The following HNRNPM variants were observed in gnomAD, a reference collection of about 807,000 sequenced individuals.
HNRNPM encodes the protein heterogeneous nuclear ribonucleoprotein M, also known as CEA receptor.
A neutral mutation model predicts 73.1 loss-of-function variants in HNRNPM; 11 were observed. The ratio of observed to expected loss-of-function variants is 0.15; its 90% confidence interval spans 0.09 to 0.25. HNRNPM has a LOEUF of 0.25. Ranked by LOEUF, HNRNPM falls within the 10% of genes least tolerant of loss-of-function variation. The pLI is 1.00. For missense variants in HNRNPM, 789 were observed against 1,067.9 expected (o/e 0.74, Z 3.64); for synonymous variants, 407 against 355.2 (o/e 1.15, Z -1.64).
chr19:8,444,979 A>G lies in HNRNPM; in HGVS notation c.-20A>G, dbSNP rs754539588. 4.3e-6 allele frequency: 6 copies of G among 1,385,594 alleles called. No homozygotes were observed. The highest frequency in any genetic ancestry group is 5.6e-6 in the Non-Finnish European group (6 of 1,068,304). The allele number at this position is 1,385,594 out of a possible 1,614,324, so 85.8% of individuals were successfully genotyped here. ...CGCGGTGCAGCCCGTTCGCTCACAC[A>G]AAGCCCAGACGCGGAGAAAATGGCG... On this transcript the variant is annotated 5_prime_UTR_variant, in exon 1 of 16. Transcript: ENST00000325495.
intron 6 of HNRNPM, among the ~76,000 whole-genome samples, chr19:8,465,844 CTTG>C (rs1349348147): frequency 1.3e-5 from 2 of 152,082 alleles, no homozygotes; most frequent in African/African-American, 2.4e-5. Flanking sequence ...ACACCTTCCT[CTTG>C]TTGTGTCTGG....
Position 8,466,324 on chromosome 19 carries a change from T to C in HNRNPM, c.720T>C (p.Asp240=), listed in dbSNP as rs372212123. The C allele has an allele frequency of 6.2e-7, 1 of 1,614,126 alleles. No individual in the cohort carries two copies. The highest frequency in any genetic ancestry group is 8.5e-7 in the Non-Finnish European group (1 of 1,180,016). Residue 240 remains aspartate, a synonymous_variant, in exon 7 of 16, where the codon GAT becomes GAC. Transcript: ENST00000325495. ...GAGCAGACATTCTTGAAGATAAAGATGGAAAAAGTCGTGGAATAGGCACTG... is the reference window on the plus strand; with the variant it reads ...GAGCAGACATTCTTGAAGATAAAGACGGAAAAAGTCGTGGAATAGGCACTG... ...VVRADILEDK[D]GKSRGIGTVT...
intron 1 of HNRNPM, among the ~76,000 whole-genome samples, chr19:8,451,081 A>G (rs550254891): frequency 6.6e-6 from 1 of 152,024 alleles, no homozygotes; most frequent in Non-Finnish European, 1.5e-5. Context: ...TAATTTTTGT[A>G]TTTTTAGTAG....
At chr19:8,456,573 T>C (rs1283849576) in intron 2 of HNRNPM, among the ~76,000 whole-genome samples, 3 of 152,230 alleles carry the variant, frequency 2.0e-5, no homozygotes, top group Non-Finnish European at 4.4e-5. Flanking sequence ...GATGTGAGCT[T>C]GATTTGTCAA....
At chr19:8,456,711 A>T (rs2145635168) in intron 2 of HNRNPM, among the ~76,000 whole-genome samples, 1 of 152,222 alleles carries the variant, frequency 6.6e-6, no homozygotes, top group South Asian at 2.1e-4. Flanking sequence ...CCTTATTTTG[A>T]CCATGACATG....
intron 8 of HNRNPM, 41 bp from the exon 9 acceptor site, chr19:8,468,733 G>T: frequency 1.3e-6 from 2 of 1,516,232 alleles, no homozygotes; most frequent in African/African-American, 1.4e-5. Context: ...AAACACTGCT[G>T]CACTGGATAC....
chr19:8,485,373 T>C (rs1971203393), intron 13 of HNRNPM, among the ~76,000 whole-genome samples: 1 of 152,126 alleles, frequency 6.6e-6, no homozygotes, highest in African/African-American at 2.4e-5. Flanking sequence ...TCTTTAGAAG[T>C]TGTGTTATGG....
intron 6 of HNRNPM, 102 bp downstream of exon 6, chr19:8,465,617 G>A (rs1302637893): frequency 1.2e-5 from 10 of 831,132 alleles, no homozygotes; most frequent in East Asian, 2.8e-5. Flanking sequence ...GAAGAAAAAT[G>A]TAAAGAAGGG....
At chr19:8,458,945 T>A (rs1276654035) in intron 2 of HNRNPM, among the ~76,000 whole-genome samples, 1 of 152,184 alleles carries the variant, frequency 6.6e-6, no homozygotes. Context: ...ATTTTATTTA[T>A]TTTGTTTTTG....
At chr19:8,479,377 T>A (rs1049361089) in intron 12 of HNRNPM, among the ~76,000 whole-genome samples, 1 of 151,942 alleles carries the variant, frequency 6.6e-6, no homozygotes, top group African/African-American at 2.4e-5. Context: ...TCACGCCAGG[T>A]CTGTTGATGT....
intron 10 of HNRNPM, among the ~76,000 whole-genome samples, chr19:8,472,379 T>C (rs924826034): frequency 6.6e-6 from 1 of 152,126 alleles, no homozygotes; most frequent in Non-Finnish European, 1.5e-5. Context: ...TTGTCAGTGT[T>C]GCATATCCCT....
intron 9 of HNRNPM, among the ~76,000 whole-genome samples, chr19:8,469,722 G>A (rs1969999924): frequency 6.6e-6 from 1 of 152,184 alleles, no homozygotes; most frequent in South Asian, 2.1e-4. Context: ...AGCTCTCCTG[G>A]AGAAGAAAGA....
chr19:8,459,887 CAGTT>C (rs1171170661), intron 2 of HNRNPM, among the ~76,000 whole-genome samples: 2 of 152,150 alleles, frequency 1.3e-5, no homozygotes, highest in East Asian at 1.9e-4. Context: ...AGGTAGATAA[CAGTT>C]GGTGTTAGAT....
intron 12 of HNRNPM, among the ~76,000 whole-genome samples, chr19:8,475,976 T>A (rs1402153064): frequency 1.4e-5 from 2 of 144,144 alleles, no homozygotes; most frequent in Non-Finnish European, 3.0e-5. Flanking sequence ...CTGTGAGGAG[T>A]AGAGTGATGC....
At position 8,484,902 on chromosome 19, in the gene HNRNPM, T is replaced by C. The variant is rs1599854403; in HGVS notation, c.1175-701T>C. On this transcript the variant is annotated intron_variant, in intron 13 of 15. Transcript: ENST00000325495. ...GTTCTGCTGACTGACCCCCAGCCGC[T>C]ACCAGAGCCCACTCTGCAGTGCCAT... 5.3e-5 allele frequency among the ~76,000 whole-genome samples: 8 copies of C among 152,242 alleles called. No individual in the cohort carries two copies. The South Asian group carries it at 1.7e-3, about 32-fold the overall frequency.
intron 1 of HNRNPM, among the ~76,000 whole-genome samples, chr19:8,447,260 C>CT (rs33978914): frequency 0.31 from 44,786 of 142,828 alleles, 7,415 homozygotes; most frequent in Middle Eastern, 0.38. Flanking sequence ...CTGTGGAAAA[C>CT]TTTTTTTTTT....
intron 12 of HNRNPM, among the ~76,000 whole-genome samples, chr19:8,476,578 A>AAG (rs1555706226): frequency 1.0e-4 from 7 of 68,378 alleles, no homozygotes; most frequent in African/African-American, 4.4e-4. Flanking sequence ...AAAAAAAAAA[A>AAG]AGAGAGATTG....
chr19:8,468,491 C>G (rs1424620758), intron 8 of HNRNPM, among the ~76,000 whole-genome samples: 2 of 152,092 alleles, frequency 1.3e-5, no homozygotes, highest in Non-Finnish European at 2.9e-5. Context: ...TCACGTGACT[C>G]AAAAGTCAAA....
chr19:8,445,326 C>A (rs1160083515), intron 1 of HNRNPM: 2 of 409,024 alleles, frequency 4.9e-6, no homozygotes. Context: ...TCGAGCCTCG[C>A]CACCCTCAGT....
Sources: allele counts gnomAD v4.1 joint callset (sites outside exome capture counted in the v4.1 genomes callset), GRCh38; gene constraint gnomAD v4.1.1; transcripts MANE v1.5; gene names NCBI Gene and HGNC (gene_info 2026-07-23, HGNC 2026-07-21).